SMYD3: variants seen among roughly 807,000 people sequenced by gnomAD.
SMYD3 encodes histone-lysine N-methyltransferase SMYD3.
SMYD3 carries 36 observed loss-of-function variants against 57.7 expected under a neutral mutation model. The observed-to-expected ratio is 0.62, with a 90% CI of 0.48 to 0.82. The LOEUF is 0.82. SMYD3 is among the 40% of genes least tolerant of loss of function. The pLI, the probability that SMYD3 is intolerant of heterozygous loss-of-function variation, is 0.00. For missense variants in SMYD3, 515 were observed against 538.8 expected, an observed-to-expected ratio of 0.96 and a Z score of 0.44; for synonymous variants, 211 against 195.0, an observed-to-expected ratio of 1.08 and a Z score of -0.68.
At chr1:246,028,748 A>T (rs2059618625) in intron 5 of SMYD3, among the ~76,000 whole-genome samples, 1 of 152,264 alleles carries the variant, frequency 6.6e-6, no homozygotes, top group Admixed American at 6.5e-5. Flanking sequence ...ATTTGTATGG[A>T]AACACAAAAG....
intron 5 of SMYD3, among the ~76,000 whole-genome samples, chr1:245,988,879 C>T (rs578026043): frequency 6.6e-6 from 1 of 152,362 alleles, no homozygotes; most frequent in East Asian, 1.9e-4. Flanking sequence ...ACACATCAGC[C>T]TGAGAGCTGA....
At chr1:246,159,384 G>C (rs1193891672) in intron 5 of SMYD3, among the ~76,000 whole-genome samples, 1 of 152,134 alleles carries the variant, frequency 6.6e-6, no homozygotes, top group Non-Finnish European at 1.5e-5. Flanking sequence ...GGGGAAGGCT[G>C]AAGGGCAGGG....
intron 11 of SMYD3, among the ~76,000 whole-genome samples, chr1:245,750,484 G>A (rs1212350921): frequency 6.6e-6 from 1 of 152,162 alleles, no homozygotes; most frequent in Non-Finnish European, 1.5e-5. Context: ...CCAGCACCCA[G>A]CTGAAGACTG....
At chr1:245,885,376 C>T (rs1197046504) in intron 8 of SMYD3, among the ~76,000 whole-genome samples, 1 of 152,182 alleles carries the variant, frequency 6.6e-6, no homozygotes, top group Admixed American at 6.5e-5. Flanking sequence ...GTAGCCTTTT[C>T]TTATTGGCAC....
chr1:246,138,797 C>A (rs2061706533), intron 5 of SMYD3, among the ~76,000 whole-genome samples: 1 of 152,016 alleles, frequency 6.6e-6, no homozygotes, highest in Admixed American at 6.6e-5. Context: ...TCTCTATAAA[C>A]AAATCATGTG....
intron 5 of SMYD3, among the ~76,000 whole-genome samples, chr1:245,946,118 A>C (rs2057421355): frequency 6.6e-6 from 1 of 152,190 alleles, no homozygotes; most frequent in South Asian, 2.1e-4. Context: ...CCCCGCAGTT[A>C]AATTTAAAAA....
intron 5 of SMYD3, among the ~76,000 whole-genome samples, chr1:246,259,595 T>C (rs2063965023): frequency 6.6e-6 from 1 of 152,334 alleles, no homozygotes; most frequent in East Asian, 1.9e-4. Context: ...ATGATGCTTA[T>C]AGGTAAGAGC....
intron 5 of SMYD3, chr1:245,947,504 A>T (rs1020699993): frequency 3.6e-5 from 16 of 446,344 alleles, no homozygotes; most frequent in Non-Finnish European, 6.8e-5. Context: ...CAGTTGCTTT[A>T]TGTGGGGTAA....
chr1:246,346,775 C>A (rs573908693), intron 2 of SMYD3, among the ~76,000 whole-genome samples: 50 of 152,086 alleles, frequency 3.3e-4, no homozygotes, highest in Non-Finnish European at 6.0e-4. Flanking sequence ...GGTGGGGACA[C>A]AACCAAACTA....
intron 5 of SMYD3, 139 bp from the exon 6 acceptor site, chr1:245,930,076 C>G (rs1162260923): frequency 2.9e-6 from 2 of 689,394 alleles, no homozygotes; most frequent in Non-Finnish European, 5.3e-6. Context: ...ATCATGGATG[C>G]TCTTTGACTT....
chr1:246,011,790 T>C (rs1201537995), intron 5 of SMYD3, among the ~76,000 whole-genome samples: 1 of 152,184 alleles, frequency 6.6e-6, no homozygotes, highest in Non-Finnish European at 1.5e-5. Flanking sequence ...CACAAACTCC[T>C]TATCTTGCTA....
intron 10 of SMYD3, among the ~76,000 whole-genome samples, chr1:245,771,937 C>T (rs1196715269): frequency 7.9e-5 from 12 of 152,176 alleles, no homozygotes. Flanking sequence ...CTACTTCTTA[C>T]CATGACCTTA....
chr1:245,750,495 C>A (rs960167728), intron 11 of SMYD3, among the ~76,000 whole-genome samples: 4 of 152,168 alleles, frequency 2.6e-5, no homozygotes, highest in African/African-American at 9.7e-5. Context: ...CTGAAGACTG[C>A]CAGATCTGTC....
chr1:246,385,541 C>T (rs1416039918), intron 1 of SMYD3, among the ~76,000 whole-genome samples: 2 of 152,086 alleles, frequency 1.3e-5, no homozygotes, highest in Non-Finnish European at 2.9e-5. Flanking sequence ...AAAGGACCCA[C>T]CTTCTGTAAC....
chr1:246,156,893 T>C (rs947324703), intron 5 of SMYD3, among the ~76,000 whole-genome samples: 1 of 152,132 alleles, frequency 6.6e-6, no homozygotes, highest in Admixed American at 6.5e-5. Flanking sequence ...TGCTGAATCA[T>C]GGAGGTGGGT....
At chr1:246,394,880 A>G (rs2066632831) in intron 1 of SMYD3, among the ~76,000 whole-genome samples, 1 of 152,104 alleles carries the variant, frequency 6.6e-6, no homozygotes. Context: ...GCTTTCTTAT[A>G]TAAGACAGAC....
chr1:246,034,525 G>A (rs1376966989), intron 5 of SMYD3: 1 of 152,204 alleles, frequency 6.6e-6, no homozygotes, highest in East Asian at 1.9e-4. Context: ...TTGGTTTCAT[G>A]TGCTCAAGAG....
At chr1:246,303,685 C>T (rs538618099) in intron 5 of SMYD3, among the ~76,000 whole-genome samples, 110 of 152,186 alleles carry the variant, frequency 7.2e-4, no homozygotes, top group Non-Finnish European at 1.4e-3. Flanking sequence ...ATGTGTACAG[C>T]GATAAAGTAC....
chr1:246,318,117 T>C (rs2065193765), intron 5 of SMYD3, among the ~76,000 whole-genome samples: 1 of 152,232 alleles, frequency 6.6e-6, no homozygotes, highest in South Asian at 2.1e-4. Flanking sequence ...CTGTAGTGGC[T>C]CATGTCTGTC....
Sources: allele counts gnomAD v4.1 joint callset (sites outside exome capture counted in the v4.1 genomes callset), GRCh38; gene constraint gnomAD v4.1.1; transcripts MANE v1.5; gene names NCBI Gene and HGNC (gene_info 2026-07-23, HGNC 2026-07-21).